The following CDK17 variants were observed in gnomAD, a reference collection of about 807,000 sequenced individuals.
The protein encoded by CDK17 is cyclin dependent kinase 17.
In CDK17, 24 loss-of-function variants were observed where a neutral mutation model predicts 77.6. The ratio of observed to expected loss-of-function variants is 0.31; its 90% CI spans 0.22 to 0.44. The LOEUF (loss-of-function observed/expected upper bound fraction) is 0.44, where lower values mean the gene tolerates loss of function less well. Ranked by LOEUF, CDK17 falls within the 20% of genes least tolerant of loss-of-function variation. The pLI is 1.00. For synonymous variants in CDK17, 203 were observed against 210.4 expected (o/e 0.96, Z 0.30); for missense variants, 429 against 622.5 (o/e 0.69, Z 3.31).
chr12:96,399,428 G>GGCT (rs1342454891), intron 1 of CDK17: 1 of 152,526 alleles, frequency 6.6e-6, no homozygotes, highest in African/African-American at 2.4e-5. Flanking sequence ...CCCACGCGCG[G>GGCT]GCTCCTCCTC....
At chr12:96,372,756 TAAAG>T (rs1461834629) in intron 1 of CDK17, among the ~76,000 whole-genome samples, 1 of 151,834 alleles carries the variant, frequency 6.6e-6, no homozygotes, top group Non-Finnish European at 1.5e-5. Context: ...ATAGAAAAAA[TAAAG>T]AAATTAACAC....
At chr12:96,299,633 C>A (rs1952468530) in intron 6 of CDK17, among the ~76,000 whole-genome samples, 1 of 152,194 alleles carries the variant, frequency 6.6e-6, no homozygotes, top group Non-Finnish European at 1.5e-5. Flanking sequence ...TCGTGATTCA[C>A]CCGCCTTGGC....
rs146386544 is a variant in CDK17, at chr12:96,339,265, G to A, written c.-29-4400C>T. Reference sequence around the variant, plus strand: ...GCACAGAACTGAGCTATCCAAAACTGTAGCCAACAGCAGGCTAATAAGCAC... The same window carrying A: ...GCACAGAACTGAGCTATCCAAAACTATAGCCAACAGCAGGCTAATAAGCAC... On this transcript the variant is annotated intron_variant, in intron 1 of 16. Coordinates refer to ENST00000261211, the MANE Select transcript of CDK17 (RefSeq NM_002595.5). Among the ~76,000 whole-genome samples the A allele has an allele frequency of 3.9e-5, 6 of 152,236 alleles. No homozygotes were observed. The East Asian group carries it at 1.2e-3, about 29-fold the overall frequency.
intron 5 of CDK17, among the ~76,000 whole-genome samples, chr12:96,307,209 C>T (rs927722499): frequency 9.9e-5 from 15 of 152,052 alleles, no homozygotes; most frequent in Middle Eastern, 3.2e-3. Context: ...GCAGGAGAAT[C>T]GCTTGAACCC....
chr12:96,282,300 A>G (rs1259414599), intron 15 of CDK17: 1 of 479,910 alleles, frequency 2.1e-6, no homozygotes, highest in African/African-American at 1.9e-5. Flanking sequence ...GGTTTCCTAC[A>G]GAGGAGTGAC....
chr12:96,384,059 GA>G (rs142876311), intron 1 of CDK17, among the ~76,000 whole-genome samples: 12,924 of 146,418 alleles, frequency 0.088, 757 homozygotes, highest in South Asian at 0.22. Context: ...AAATCCACAA[GA>G]AAAAAAAAAT....
intron 1 of CDK17, among the ~76,000 whole-genome samples, chr12:96,397,191 G>T (rs1954185828): frequency 6.6e-6 from 1 of 152,118 alleles, no homozygotes; most frequent in Non-Finnish European, 1.5e-5. Flanking sequence ...GACTGAACTG[G>T]TATCTGAAAA....
chr12:96,396,138 T>A (rs932788527), intron 1 of CDK17, among the ~76,000 whole-genome samples: 1 of 152,220 alleles, frequency 6.6e-6, no homozygotes, highest in Non-Finnish European at 1.5e-5. Context: ...ACATTACTTA[T>A]TAGATTTACT....
chr12:96,344,997 G>C (rs758810809), intron 1 of CDK17, among the ~76,000 whole-genome samples: 2 of 152,050 alleles, frequency 1.3e-5, no homozygotes, highest in Non-Finnish European at 2.9e-5. Context: ...CCTCCGACAG[G>C]CCTCAGTTAA....
intron 5 of CDK17, among the ~76,000 whole-genome samples, chr12:96,310,482 C>A (rs1952632920): frequency 1.3e-5 from 2 of 151,904 alleles, no homozygotes; most frequent in African/African-American, 4.8e-5. Context: ...ACTATAAAAA[C>A]AGTATGATCA....
chr12:96,367,854 T>TAAA (rs11434289), intron 1 of CDK17, among the ~76,000 whole-genome samples: 1 of 137,190 alleles, frequency 7.3e-6, no homozygotes. Flanking sequence ...CATCTCTACT[T>TAAA]AAAAAAAAAA....
chr12:96,300,941 T>G (rs1287328650), intron 5 of CDK17, among the ~76,000 whole-genome samples: 2 of 152,214 alleles, frequency 1.3e-5, no homozygotes, highest in African/African-American at 4.8e-5. Flanking sequence ...TATTTGGTTT[T>G]ATTCTAAGAT....
intron 1 of CDK17, among the ~76,000 whole-genome samples, chr12:96,377,098 C>T (rs536241052): frequency 1.0e-3 from 157 of 152,124 alleles, no homozygotes; most frequent in Non-Finnish European, 1.6e-3. Flanking sequence ...GCAGGTATAA[C>T]CAGAAAGCAA....
chr12:96,281,825 A>G (rs981800928), intron 15 of CDK17: 1 of 152,272 alleles, frequency 6.6e-6, no homozygotes, highest in African/African-American at 2.4e-5. Context: ...CTGCTACACA[A>G]GCTTTGATGA....
rs11285567 is a variant in CDK17, at chr12:96,311,180, TA to T, written c.418-4del. 240,315 of 1,186,156 alleles carry T rather than the reference TA, an allele frequency of 0.2. 4,168 individuals carry two copies. The highest frequency in any genetic ancestry group is 0.31 in the South Asian group (19,090 of 61,562). 73.5% of individuals were successfully genotyped at this position (1,186,156 alleles called of 1,614,324 possible). On this transcript the variant is annotated splice_polypyrimidine_tract_variant and splice_region_variant and intron_variant, in intron 4 of 16. Coordinates refer to ENST00000261211, the MANE Select transcript of CDK17 (RefSeq NM_002595.5). ...AGTGATAACCGCTTATTTAAATCCTTAAAAAAAAAAAAAGGTAATCCAAAAT... is the reference window on the plus strand; with the variant it reads ...AGTGATAACCGCTTATTTAAATCCTTAAAAAAAAAAAAGGTAATCCAAAAT...
intron 1 of CDK17, among the ~76,000 whole-genome samples, chr12:96,385,246 A>G (rs1187221549): frequency 2.4e-5 from 1 of 41,482 alleles, no homozygotes; most frequent in Non-Finnish European, 4.2e-5. Flanking sequence ...CGGGAGGCGG[A>G]GAGGTTGCAG....
intron 3 of CDK17, among the ~76,000 whole-genome samples, chr12:96,321,928 G>A (rs947604680): frequency 2.7e-5 from 4 of 149,546 alleles, no homozygotes; most frequent in Admixed American, 6.7e-5. Flanking sequence ...CCTGCACAAT[G>A]TGCACATGTA....
At chr12:96,398,804 T>C (rs1954212044) in intron 1 of CDK17, among the ~76,000 whole-genome samples, 1 of 152,180 alleles carries the variant, frequency 6.6e-6, no homozygotes, top group Admixed American at 6.5e-5. Context: ...AAGTGACCTG[T>C]TAGGACCTGA....
At chr12:96,377,756 C>T (rs1304209017) in intron 1 of CDK17, among the ~76,000 whole-genome samples, 3 of 140,758 alleles carry the variant, frequency 2.1e-5, no homozygotes, top group East Asian at 2.1e-4. Context: ...TGCAGTGGTG[C>T]GATCTCGGCT....
Sources: gnomAD v4.1 joint callset for allele counts (sites outside exome capture counted in the v4.1 genomes callset) on GRCh38, gnomAD v4.1.1 for gene constraint, MANE v1.5 for transcripts, NCBI Gene and HGNC (gene_info 2026-07-23, HGNC 2026-07-21) for gene names.